Variants in CROCC observed in about 807,000 individuals in gnomAD.
CROCC encodes the protein ciliary rootlet coiled-coil, rootletin, also known as rootletin.
Under a neutral mutation model 245.2 loss-of-function variants are expected in CROCC, and 180 were observed. The ratio of observed to expected loss-of-function variants is 0.73; its 90% CI spans 0.65 to 0.83. The LOEUF (loss-of-function observed/expected upper bound fraction) is 0.83, where lower values mean the gene tolerates loss of function less well. CROCC is among the 40% of genes least tolerant of loss of function. CROCC has a pLI of 0.00. For missense variants in CROCC, 2,688 were observed against 2,779.4 expected (o/e 0.97, Z 0.74); for synonymous variants, 1,205 against 1,241.6 (o/e 0.97, Z 0.62).
chr1:16,920,800 A>G (rs1175804320), upstream of CROCC, among the ~76,000 whole-genome samples: 1 of 149,314 alleles, frequency 6.7e-6, no homozygotes, highest in Non-Finnish European at 1.5e-5. Context: ...CTGGAGTGCA[A>G]TGGCGCGATC....
At chr1:16,947,097 C>T in intron 17 of CROCC, 106 bp downstream of exon 17, 1 of 1,077,408 alleles carries the variant, frequency 9.3e-7, no homozygotes, top group South Asian at 1.6e-5. Flanking sequence ...CTGGAGCCTG[C>T]TTCTGGGTTA....
rs564038727 is a variant in CROCC at position 16,954,532 on chromosome 1, C to T, written c.3321+175C>T. ...CTGAGGGAGGTGGCTCAGCCCTGCC[C>T]TGATGAATCCTTTTGGCGTGAGGGA... On this transcript the variant is annotated intron_variant, in intron 22 of 36. Transcript: ENST00000375541. This position sits in a 1 kb window ranked among gnomAD's most constrained non-coding sequence, Gnocchi z 4.4. 3.9e-5 allele frequency among the ~76,000 whole-genome samples: 6 copies of T among 152,364 alleles called. No individual in the cohort carries two copies. In the South Asian group the frequency reaches 1.2e-3, roughly 32 times the overall value.
At position 16,968,533 on chromosome 1, in the gene CROCC, T is replaced by A; in HGVS notation, c.5076+115T>A. On this transcript the variant is annotated intron_variant, in intron 31 of 36. Coordinates refer to ENST00000375541, the MANE Select transcript of CROCC (RefSeq NM_014675.5). ...GAGGCAAGTATTACCCACATCCCCA[T>A]TTCACAGATGGACAAATGGAGGCTG... The A allele has an allele frequency of 3.2e-5, 35 of 1,084,518 alleles. No individual in the cohort carries two copies. In the South Asian group the frequency reaches 3.2e-4, roughly 10 times the overall value. 67.2% of individuals were successfully genotyped at this position (1,084,518 alleles called of 1,614,324 possible). A position where few individuals can be genotyped will look rare whatever the true frequency, so the allele number is the denominator to read the frequency against.
At chr1:16,961,205 G>T in intron 27 of CROCC, 75 bp downstream of exon 27, 2 of 1,232,906 alleles carry the variant, frequency 1.6e-6, no homozygotes, top group Non-Finnish European at 1.0e-6. Context: ...ACATGGCAGG[G>T]TGTTTTTGTT....
intron 30 of CROCC, among the ~76,000 whole-genome samples, chr1:16,967,818 G>A (rs2076443864): frequency 1.3e-5 from 2 of 152,176 alleles, no homozygotes; most frequent in South Asian, 4.1e-4. Context: ...AGTCAGTGGG[G>A]CAGGAGAAGG....
In CROCC at chr1:16,936,775, C is replaced by G. The variant is rs537778395; in HGVS notation, c.1095C>G (p.Ala365=). The G allele has an allele frequency of 1.2e-6, 2 of 1,611,676 alleles. No homozygotes were observed. The highest frequency in any genetic ancestry group is 3.3e-5 in the Admixed American group (2 of 59,992). The change falls in exon 9 of 37, where the codon GCC becomes GCG. Residue 365 remains alanine (A), a synonymous_variant. Transcript: ENST00000375541. ...AALEKQALLQ[A]QLEEQLRDKV... The stretch of plus-strand genomic sequence containing the variant: ...TGGAGAAACAGGCCCTGCTGCAGGC[C>G]CAGCTGGAGGAGCAGCTGCGGGACA...
chr1:16,970,968 C>T (rs773434479), intron 35 of CROCC: 7 of 530,766 alleles, frequency 1.3e-5, no homozygotes, highest in African/African-American at 1.9e-5. Flanking sequence ...CCTGTTTGCA[C>T]GTGAGCCTGT....
chr1:16,917,225 A>T (rs2075317013), upstream of CROCC, among the ~76,000 whole-genome samples: 1 of 152,306 alleles, frequency 6.6e-6, no homozygotes. Flanking sequence ...CAATTATTTA[A>T]CTTCGCTGAG....
At chr1:16,958,813 C>T in intron 26 of CROCC, 63 bp downstream of exon 26, 6 of 1,513,358 alleles carry the variant, frequency 4.0e-6, no homozygotes, top group Non-Finnish European at 5.3e-6. Context: ...CAGGTGGGCA[C>T]CCCAATGCTG....
chr1:16,927,339 G>C (rs1274584427), intron 3 of CROCC, among the ~76,000 whole-genome samples: 1 of 152,234 alleles, frequency 6.6e-6, no homozygotes, highest in Non-Finnish European at 1.5e-5. Flanking sequence ...CACACGGACA[G>C]GAAAAGCATA....
At chr1:16,942,654 C>T (rs1413569992) in intron 13 of CROCC, among the ~76,000 whole-genome samples, 1 of 152,266 alleles carries the variant, frequency 6.6e-6, no homozygotes, top group Non-Finnish European at 1.5e-5. Flanking sequence ...GGCTCAGACT[C>T]ATACAGCGTG....
intron 14 of CROCC, among the ~76,000 whole-genome samples, chr1:16,945,102 G>A (rs1379192789): frequency 2.0e-5 from 3 of 152,260 alleles, no homozygotes; most frequent in Admixed American, 6.5e-5. Context: ...GCGTGGTGGT[G>A]AGCACCTGTA....
In CROCC at chr1:16,954,657, G is replaced by T; in HGVS notation, c.3322-77G>T. The T allele has an allele frequency of 6.8e-7, 1 of 1,469,278 alleles. No individual in the cohort carries two copies. Among genetic ancestry groups the T allele is most frequent in the Non-Finnish European group, 9.1e-7 (1 of 1,102,548 alleles). The allele number at this position is 1,469,278 out of a possible 1,614,324, so 91.0% of individuals were successfully genotyped here. ...CCGTGTTTAGAGCTAAAAGTGGACA[G>T]TGCACTGAGCGGGTTGGGAGCAGCC... On this transcript the variant is annotated intron_variant, in intron 22 of 36. Transcript: ENST00000375541. This position sits in a 1 kb window ranked among gnomAD's most constrained non-coding sequence, Gnocchi z 4.4.
chr1:16,953,443 G>A lies in CROCC; in HGVS notation c.3148G>A (p.Asp1050Asn), dbSNP rs751961465. ...GATTGCTGCCCTGCAGCAGGAGCGC[G>A]ACGAGGGCCTCCTCCTAGCAGAGAG... ...EEIAALQQER[D>N]EGLLLAESEK... The change falls in exon 21 of 37, where the codon GAC (aspartate) becomes AAC (asparagine). Residue 1050 changes from aspartate to asparagine, a missense_variant. This residue lies in a region of CROCC where 106 missense variants were observed against 126.1 expected (regional missense o/e 0.84). Transcript: ENST00000375541. 3.8e-5 allele frequency: 61 copies of A among 1,609,798 alleles called. No individual in the cohort carries two copies. The highest frequency in any genetic ancestry group is 2.1e-4 in the South Asian group (19 of 90,970).
chr1:16,963,291 G>A (rs1051267612), intron 27 of CROCC, among the ~76,000 whole-genome samples: 2 of 151,984 alleles, frequency 1.3e-5, no homozygotes, highest in South Asian at 2.1e-4. Flanking sequence ...AGGGGAGAAC[G>A]TGAGCGAGCA....
intron 27 of CROCC, among the ~76,000 whole-genome samples, chr1:16,962,694 A>G (rs1031288754): frequency 3.4e-5 from 5 of 149,050 alleles, no homozygotes; most frequent in South Asian, 2.1e-4. Context: ...ATTTTTGTGT[A>G]TGTGTGTGTG....
Position 16,966,705 on chromosome 1 carries a change from C to A in CROCC, c.4860+134C>A. 1 of 1,018,314 alleles carries A rather than the reference C, an allele frequency of 9.8e-7. No individual in the cohort carries two copies. The highest frequency in any genetic ancestry group is 1.3e-6 in the Non-Finnish European group (1 of 741,182). 63.1% of individuals were successfully genotyped at this position (1,018,314 alleles called of 1,614,324 possible). Reference sequence around the variant, plus strand: ...ACCCACTGAGGTGACCAGCCTGTGACTCTGTGAAACCATGTTCAGACTCCA... The same window carrying A: ...ACCCACTGAGGTGACCAGCCTGTGAATCTGTGAAACCATGTTCAGACTCCA... On this transcript the variant is annotated intron_variant, in intron 30 of 36. Transcript: ENST00000375541. The surrounding 1 kb of genome is among the most constrained non-coding windows in gnomAD (Gnocchi z 4.8).
In CROCC at chr1:16,968,390, A is replaced by G; in HGVS notation, c.5048A>G (p.Gln1683Arg). The change falls in exon 31 of 37, where the codon CAG (glutamine) becomes CGG (arginine). Residue 1683 changes from glutamine to arginine, a missense_variant. By Grantham distance (43) the Gln-to-Arg change is conservative. Around this residue, in one of 9 missense-constraint regions of CROCC, gnomAD observed 1,218 missense variants for 1,286.3 expected, o/e 0.95. Transcript: ENST00000375541. ...CGCGAGGCCCAAGCCCAGGCCCTCC[A>G]GGATCGGGTGGATTCCCTGCAGAGA... ...SDREAQAQALQDRVDSLQRQV... is the reference protein window; with the variant it reads ...SDREAQAQALRDRVDSLQRQV... The G allele has an allele frequency of 6.6e-7, 1 of 1,506,294 alleles. No homozygotes were observed. Among genetic ancestry groups the G allele is most frequent in the Non-Finnish European group, 8.9e-7 (1 of 1,126,668 alleles). 93.3% of individuals were successfully genotyped at this position (1,506,294 alleles called of 1,614,324 possible). A position where few individuals can be genotyped will look rare whatever the true frequency, so the allele number is the denominator to read the frequency against.
intron 1 of CROCC, among the ~76,000 whole-genome samples, chr1:16,915,123 G>T (rs1345679405): frequency 9.2e-5 from 14 of 152,278 alleles, no homozygotes; most frequent in African/African-American, 3.4e-4. Context: ...GCCCCTGTGG[G>T]GGTCACTGCC....
Sources: gnomAD v4.1 joint callset for allele counts (sites outside exome capture counted in the v4.1 genomes callset) on GRCh38, gnomAD v4.1.1 for gene constraint, gnomAD v4.1.1 regional missense constraint, Gnocchi (gnomAD v3.1) non-coding constraint, MANE v1.5 for transcripts, NCBI Gene and HGNC (gene_info 2026-07-23, HGNC 2026-07-21) for gene names.